TLL1: variants seen among roughly 807,000 people sequenced by gnomAD.
TLL1 encodes tolloid like 1.
TLL1 carries 49 observed loss-of-function variants against 128.2 expected under a neutral mutation model. The observed-to-expected ratio is 0.38, with a 90% CI of 0.30 to 0.48. The LOEUF (loss-of-function observed/expected upper bound fraction) is 0.48, where lower values mean the gene tolerates loss of function less well. Among genes scored for constraint, TLL1 ranks in the 20% least tolerant of loss-of-function variants. The pLI, the probability that TLL1 is intolerant of heterozygous loss-of-function variation, is 0.96. For synonymous variants in TLL1, 454 were observed against 418.8 expected (o/e 1.08, Z -1.03); for missense variants, 1,123 against 1,242.0 (o/e 0.90, Z 1.44).
intron 14 of TLL1, among the ~76,000 whole-genome samples, chr4:166,058,425 T>A (rs1180098919): frequency 6.6e-6 from 1 of 152,196 alleles, no homozygotes; most frequent in Non-Finnish European, 1.5e-5. Context: ...GAGATAAATA[T>A]GTGTTTTATC....
At chr4:166,038,936 A>T (rs1384981522) in intron 9 of TLL1, among the ~76,000 whole-genome samples, 1 of 152,148 alleles carries the variant, frequency 6.6e-6, no homozygotes, top group Non-Finnish European at 1.5e-5. Context: ...GAAATAAATT[A>T]TTTTTTAAAA....
intron 1 of TLL1, among the ~76,000 whole-genome samples, chr4:165,877,638 G>A (rs770469877): frequency 4.6e-5 from 7 of 152,270 alleles, no homozygotes; most frequent in Non-Finnish European, 1.0e-4. Context: ...TGCCAAATAT[G>A]TGTACAGATT....
intron 18 of TLL1, among the ~76,000 whole-genome samples, chr4:166,088,565 T>A (rs1394051600): frequency 6.6e-6 from 1 of 152,100 alleles, no homozygotes; most frequent in African/African-American, 2.4e-5. Context: ...GGCTGATTTC[T>A]GGAAAAGGAC....
rs142933283 is a variant in TLL1 at position 166,055,228 on chromosome 4, C to T, written c.1677C>T (p.Asp559=). ...SNTLWMKFVS[D]GTVNKAGFAA... is the part of the protein sequence containing the mutation. ...CTTTGTGGATGAAGTTTGTTTCTGA[C>T]GGAACTGTGAACAAAGCAGGGTTTG... The change falls in exon 13 of 21, where the codon GAC becomes GAT. Residue 559 remains aspartate, a synonymous_variant. Coordinates refer to ENST00000061240, the MANE Select transcript of TLL1 (RefSeq NM_012464.5). 1.3e-4 allele frequency: 209 copies of T among 1,613,568 alleles called. No individual in the cohort carries two copies. Among genetic ancestry groups the T allele is most frequent in the Non-Finnish European group, 1.6e-4 (183 of 1,179,774 alleles).
rs1739192613 is a variant in TLL1 at position 166,040,480 on chromosome 4, C to T, written c.1261+1039C>T. On this transcript the variant is annotated intron_variant, in intron 10 of 20. Transcript: ENST00000061240. The stretch of plus-strand genomic sequence containing the variant: ...TCTAGAGCTAAAATTCTGAACGACA[C>T]TTCTTTTTAGAGCACCATCAGCATT... Among the ~76,000 whole-genome samples the T allele has an allele frequency of 4.6e-5, 7 of 152,318 alleles. No individual in the cohort carries two copies. The South Asian group carries it at 1.4e-3, about 32-fold the overall frequency.
chr4:165,894,415 G>A (rs557072283), intron 1 of TLL1, among the ~76,000 whole-genome samples: 21 of 152,214 alleles, frequency 1.4e-4, no homozygotes, highest in East Asian at 1.9e-4. Context: ...GGTACTTAAC[G>A]GAGTAACATC....
At chr4:165,991,677 C>G (rs1205721341) in intron 2 of TLL1, among the ~76,000 whole-genome samples, 1 of 151,136 alleles carries the variant, frequency 6.6e-6, no homozygotes, top group Non-Finnish European at 1.5e-5. Context: ...TTTTTTTTAG[C>G]TTCAGTCTAG....
intron 18 of TLL1, among the ~76,000 whole-genome samples, chr4:166,089,458 C>T (rs1392816810): frequency 1.3e-5 from 2 of 152,108 alleles, no homozygotes; most frequent in African/African-American, 4.8e-5. Flanking sequence ...TTTATGCAAA[C>T]ATCCATATAC....
intron 1 of TLL1, among the ~76,000 whole-genome samples, chr4:165,984,982 CT>C (rs1236454661): frequency 6.6e-6 from 1 of 151,948 alleles, no homozygotes; most frequent in African/African-American, 2.4e-5. Context: ...TATATGGACT[CT>C]TTTGTTATAC....
intron 1 of TLL1, among the ~76,000 whole-genome samples, chr4:165,966,511 A>G (rs1735382632): frequency 6.6e-6 from 1 of 152,186 alleles, no homozygotes; most frequent in Non-Finnish European, 1.5e-5. Context: ...ACCAGGGAAG[A>G]TGTATCGGGG....
chr4:165,977,201 A>T (rs1252529581), intron 1 of TLL1, among the ~76,000 whole-genome samples: 1 of 152,126 alleles, frequency 6.6e-6, no homozygotes, highest in Admixed American at 6.5e-5. Context: ...CAATCTCCAC[A>T]TGTCGAGGGC....
chr4:165,914,950 A>G (rs963899759), intron 1 of TLL1, among the ~76,000 whole-genome samples: 1 of 152,208 alleles, frequency 6.6e-6, no homozygotes, highest in South Asian at 2.1e-4. Context: ...CAAGAGATCC[A>G]TGGAGAATTG....
chr4:165,873,827 CT>C lies in TLL1; in HGVS notation c.-77del. 4 of 1,563,138 alleles carry C rather than the reference CT, an allele frequency of 2.6e-6. No individual in the cohort carries two copies. The highest frequency in any genetic ancestry group is 3.5e-6 in the Non-Finnish European group (4 of 1,138,214). On this transcript the variant is annotated 5_prime_UTR_variant, in exon 1 of 21. Transcript: ENST00000061240. Reference sequence around the variant, plus strand: ...GGTGGGGAGAAGAGCACCGGTGCCCCTAGCCCCGCACATCAGCGCGGACCGC... The same window carrying C: ...GGTGGGGAGAAGAGCACCGGTGCCCCAGCCCCGCACATCAGCGCGGACCGC...
intron 1 of TLL1, among the ~76,000 whole-genome samples, chr4:165,875,955 G>A (rs1730706220): frequency 6.6e-6 from 1 of 151,682 alleles, no homozygotes. Context: ...CCCCTTTGAT[G>A]CTGGTTTATT....
At chr4:165,941,815 G>A (rs1407549762) in intron 1 of TLL1, among the ~76,000 whole-genome samples, 2 of 152,008 alleles carry the variant, frequency 1.3e-5, no homozygotes, top group Non-Finnish European at 2.9e-5. Flanking sequence ...TAGGCCACTA[G>A]GGTTCAGGTA....
chr4:166,071,903 A>G (rs186837159), intron 16 of TLL1, among the ~76,000 whole-genome samples: 3 of 152,146 alleles, frequency 2.0e-5, no homozygotes, highest in East Asian at 3.9e-4. Flanking sequence ...TAAAACAACC[A>G]CACCATATTT....
At chr4:165,964,197 G>A (rs905195712) in intron 1 of TLL1, among the ~76,000 whole-genome samples, 1 of 152,148 alleles carries the variant, frequency 6.6e-6, no homozygotes, top group Admixed American at 6.6e-5. Context: ...TCTGTTCTGT[G>A]ATTTACTGGC....
At chr4:166,004,761 G>A (rs1737333703) in intron 6 of TLL1, among the ~76,000 whole-genome samples, 1 of 152,102 alleles carries the variant, frequency 6.6e-6, no homozygotes, top group South Asian at 2.1e-4. Flanking sequence ...ACAAGTGGGA[G>A]ATTAGTTGGT....
intron 1 of TLL1, among the ~76,000 whole-genome samples, chr4:165,898,171 G>T (rs972182483): frequency 1.3e-5 from 2 of 152,162 alleles, no homozygotes; most frequent in Admixed American, 1.3e-4. Flanking sequence ...CATGTCATCT[G>T]CAAACAGAGA....
Sources: allele counts gnomAD v4.1 joint callset (sites outside exome capture counted in the v4.1 genomes callset), GRCh38; gene constraint gnomAD v4.1.1; transcripts MANE v1.5; gene names NCBI Gene and HGNC (gene_info 2026-07-23, HGNC 2026-07-21).